The following HERC2 variants were observed in gnomAD, a reference collection of about 807,000 sequenced individuals.
HERC2 encodes the protein E3 ubiquitin-protein ligase HERC2.
A neutral mutation model predicts 537.7 loss-of-function variants in HERC2; 102 were observed. That is an observed-to-expected ratio of 0.19 (90% CI 0.16 to 0.22). The LOEUF (loss-of-function observed/expected upper bound fraction) is 0.22. Ranked by LOEUF, HERC2 falls within the 10% of genes least tolerant of loss-of-function variation. HERC2 has a pLI of 1.00. For synonymous variants in HERC2, 2,224 were observed against 2,466.2 expected (o/e 0.90, Z 2.91); for missense variants, 4,236 against 6,198.2 (o/e 0.68, Z 10.63).
chr15:28,163,246 G>T lies in HERC2; in HGVS notation c.10594C>A (p.Gln3532Lys). ...AGACTGGTGAACTCATCCAAGGCCT[G>T]AGGCTCCGGACCTGCTGCTTTATTT... ...SQNKAAGPEP[Q>K]ALDEFTSLLI... Residue 3532 changes from glutamine (Q) to lysine (K), a missense_variant, in exon 69 of 93, where the codon CAG (glutamine) becomes AAG (lysine). Coordinates refer to ENST00000261609, the MANE Select transcript of HERC2 (RefSeq NM_004667.6). 1 of 1,613,806 alleles carries T rather than the reference G, an allele frequency of 6.2e-7. No individual in the cohort carries two copies. Among genetic ancestry groups the T allele is most frequent in the Non-Finnish European group, 8.5e-7 (1 of 1,180,030 alleles).
intron 80 of HERC2, 51 bp downstream of exon 80, chr15:28,132,602 C>G (rs751658082): frequency 6.6e-6 from 9 of 1,354,120 alleles, no homozygotes; most frequent in Admixed American, 2.9e-5. Flanking sequence ...CATCTGACAG[C>G]AGCAGTGAGG....
chr15:28,192,859 A>T (rs1896977539), intron 52 of HERC2, among the ~76,000 whole-genome samples: 1 of 152,144 alleles, frequency 6.6e-6, no homozygotes, highest in East Asian at 1.9e-4. Context: ...CAGAAATACA[A>T]CCCACACTTG....
At position 28,144,138 on chromosome 15, in the gene HERC2, G is replaced by C. The variant is rs114532098; in HGVS notation, c.11238C>G (p.Asn3746Lys). 1 of 1,614,212 alleles carries C rather than the reference G, an allele frequency of 6.2e-7. No individual in the cohort carries two copies. The highest frequency in any genetic ancestry group is 8.5e-7 in the Non-Finnish European group (1 of 1,180,046). ...LLDFRLNLAS[N>K]RSIVPRLAAS... The stretch of plus-strand genomic sequence containing the variant: ...CCGCAAGGCGAGGGACGATGCTTCT[G>C]TTAGAGGCAAGGTTGAGTCGGAAGT... Residue 3746 changes from asparagine (N) to lysine (K), a missense_variant, in exon 73 of 93, where the codon AAC (asparagine) becomes AAG (lysine). Asn to Lys is a moderately conservative substitution (Grantham distance 94). Transcript: ENST00000261609.
chr15:28,143,594 C>T (rs377636465), intron 74 of HERC2, among the ~76,000 whole-genome samples: 2 of 152,056 alleles, frequency 1.3e-5, no homozygotes, highest in African/African-American at 4.8e-5. Flanking sequence ...CTACAGGTGC[C>T]CACCACCACG....
intron 4 of HERC2, among the ~76,000 whole-genome samples, chr15:28,287,782 G>C (rs1249880038): frequency 6.9e-6 from 1 of 144,624 alleles, no homozygotes; most frequent in African/African-American, 2.6e-5. Context: ...CTAGAGTGGT[G>C]GTGCAATCTT....
At chr15:28,191,312 G>A (rs1896834367) in intron 53 of HERC2, 68 bp from the exon 54 acceptor site, 2 of 961,482 alleles carry the variant, frequency 2.1e-6, no homozygotes, top group African/African-American at 1.6e-5. Context: ...TACTACAATA[G>A]TATCGTTGAA....
intron 85 of HERC2, 63 bp from the exon 86 acceptor site, chr15:28,121,492 T>G: frequency 7.7e-7 from 1 of 1,297,528 alleles, no homozygotes; most frequent in Non-Finnish European, 1.1e-6. Flanking sequence ...CCTGAAGAAA[T>G]CATCACATAG....
At chr15:28,207,355 C>T (rs1192319479) in intron 44 of HERC2, among the ~76,000 whole-genome samples, 2 of 152,076 alleles carry the variant, frequency 1.3e-5, no homozygotes, top group South Asian at 2.1e-4. Context: ...AGGCTGGTCT[C>T]GAACTCCTGA....
Position 28,158,454 on chromosome 15 carries a change from T to C in HERC2, c.10746+4640A>G, listed in dbSNP as rs577187361. On this transcript the variant is annotated intron_variant, in intron 69 of 92. Coordinates refer to ENST00000261609, the MANE Select transcript of HERC2 (RefSeq NM_004667.6). ...GTGCATAGATATTTAGGATAGTTAG[T>C]TCTTCTTATTGAATTGATCCCTTTA... is the stretch of plus-strand genomic sequence containing the variant. 1.3e-4 allele frequency among the ~76,000 whole-genome samples: 20 copies of C among 152,314 alleles called. No homozygotes were observed. The East Asian group carries it at 2.5e-3, about 19-fold the overall frequency.
chr15:28,123,717 G>A lies in HERC2; in HGVS notation c.13188+320C>T, dbSNP rs74005605. On this transcript the variant is annotated intron_variant, in intron 85 of 92. Transcript: ENST00000261609. ...ATAGCCACAAGGCCAGGCAGGCAGAGAAGGACCGCAGGAACAAAGGCTTAG... is the reference window on the plus strand; with the variant it reads ...ATAGCCACAAGGCCAGGCAGGCAGAAAAGGACCGCAGGAACAAAGGCTTAG... 3.6e-3 allele frequency among the ~76,000 whole-genome samples: 553 copies of A among 152,326 alleles called. 8 individuals are homozygous for A. Among genetic ancestry groups the A allele is most frequent in the African/African-American group, 0.013 (531 of 41,570 alleles).
chr15:28,262,386 C>T (rs2075438385), intron 15 of HERC2, among the ~76,000 whole-genome samples: 2 of 152,174 alleles, frequency 1.3e-5, no homozygotes, highest in Non-Finnish European at 1.5e-5. Context: ...CTGAAGGCGC[C>T]GGCACTCTTA....
In HERC2 at chr15:28,229,837, T is replaced by A; in HGVS notation, c.4820A>T (p.Gln1607Leu). 7.9e-7 allele frequency: 1 copy of A among 1,271,752 alleles called. No individual in the cohort carries two copies. Among genetic ancestry groups the A allele is most frequent in the Non-Finnish European group, 1.1e-6 (1 of 872,380 alleles). 78.8% of individuals were successfully genotyped at this position (1,271,752 alleles called of 1,614,324 possible). The change falls in exon 32 of 93, where the codon CAG becomes CTG. Residue 1607 changes from glutamine (Q) to leucine (L), a missense_variant. Gln to Leu is a moderately radical substitution (Grantham distance 113, BLOSUM62 -2). This residue lies in a region of HERC2 where 343 missense variants were observed against 417.2 expected (regional missense o/e 0.82). Coordinates refer to ENST00000261609, the MANE Select transcript of HERC2 (RefSeq NM_004667.6). Reference protein sequence around the residue: ...IAIKSPKDKWQPLLSTVTGVH... With the variant: ...IAIKSPKDKWLPLLSTVTGVH... ...ACCTGTAACAGTACTCAACAGCGGCTGCCATTTGTCCTAACAAAGGAAAAC... is the reference window on the plus strand; with the variant it reads ...ACCTGTAACAGTACTCAACAGCGGCAGCCATTTGTCCTAACAAAGGAAAAC...
At chr15:28,125,873 C>T (rs1268521612) in intron 83 of HERC2, among the ~76,000 whole-genome samples, 3 of 152,136 alleles carry the variant, frequency 2.0e-5, no homozygotes, top group South Asian at 4.1e-4. Flanking sequence ...TGCAGTGGTG[C>T]GATCTCAAGC....
intron 52 of HERC2, among the ~76,000 whole-genome samples, chr15:28,193,645 CA>C (rs1897063881): frequency 6.6e-6 from 1 of 152,100 alleles, no homozygotes; most frequent in Non-Finnish European, 1.5e-5. Context: ...TAAACATCTC[CA>C]TGCACATGTA....
chr15:28,292,759 C>T, intron 4 of HERC2, 129 bp downstream of exon 4: 1 of 949,698 alleles, frequency 1.1e-6, no homozygotes, highest in Non-Finnish European at 1.6e-6. Context: ...TATATTTTAC[C>T]ACAATATTTA....
intron 2 of HERC2, among the ~76,000 whole-genome samples, chr15:28,308,489 C>T (rs2076853791): frequency 6.6e-6 from 1 of 152,190 alleles, no homozygotes; most frequent in Admixed American, 6.5e-5. Flanking sequence ...ATCATATCAT[C>T]TGCAAACAAG....
In HERC2 at chr15:28,254,332, C is replaced by T. The variant is rs778708768; in HGVS notation, c.3050+8G>A. ...AACATATAATACAATACAGCTACTACGATTTACCTAAGAAGCTGTTGTATG... is the reference window on the plus strand; with the variant it reads ...AACATATAATACAATACAGCTACTATGATTTACCTAAGAAGCTGTTGTATG... On this transcript the variant is annotated splice_region_variant and intron_variant, in intron 20 of 92. Coordinates refer to ENST00000261609, the MANE Select transcript of HERC2 (RefSeq NM_004667.6). 5.8e-6 allele frequency: 9 copies of T among 1,559,706 alleles called. No individual in the cohort carries two copies. Among genetic ancestry groups the T allele is most frequent in the East Asian group, 2.3e-5 (1 of 44,404 alleles).
intron 47 of HERC2, 146 bp downstream of exon 47, chr15:28,201,967 G>C (rs148716523): frequency 1.1e-6 from 1 of 895,714 alleles, no homozygotes; most frequent in Middle Eastern, 3.4e-4. Flanking sequence ...TTCTGTGCCC[G>C]GCAATACCAT....
intron 85 of HERC2, among the ~76,000 whole-genome samples, chr15:28,121,861 G>A (rs1888927986): frequency 6.6e-6 from 1 of 151,802 alleles, no homozygotes; most frequent in Non-Finnish European, 1.5e-5. Context: ...CCACGGGCCA[G>A]GGAGCACCGC....
Sources: allele counts gnomAD v4.1 joint callset (sites outside exome capture counted in the v4.1 genomes callset), GRCh38; gene constraint gnomAD v4.1.1; regional missense constraint gnomAD v4.1.1; transcripts MANE v1.5; gene names NCBI Gene and HGNC (gene_info 2026-07-23, HGNC 2026-07-21).